CELF2: variants seen among roughly 807,000 people sequenced by gnomAD.
The protein encoded by CELF2 is CUG triplet repeat RNA-binding protein 2.
A neutral mutation model predicts 62.6 loss-of-function variants in CELF2; 8 were observed. The ratio of observed to expected loss-of-function variants is 0.13; its 90% CI spans 0.07 to 0.23. CELF2 has a LOEUF of 0.23. CELF2 is among the 10% of genes least tolerant of loss of function. The probability of loss-of-function intolerance (pLI) is 1.00; values close to 1 mark genes in which losing one functional copy is unlikely to be tolerated. For synonymous variants in CELF2, 258 were observed against 250.0 expected (o/e 1.03, Z -0.30); for missense variants, 333 against 671.0 (o/e 0.50, Z 5.56).
At chr10:11,041,584 T>A (rs1289852142) in intron 1 of CELF2, among the ~76,000 whole-genome samples, 2 of 152,236 alleles carry the variant, frequency 1.3e-5, no homozygotes, top group African/African-American at 4.8e-5. Flanking sequence ...AGACTTCGTA[T>A]TAACAATATG....
At position 11,335,860 on chromosome 10, in the gene CELF2, CA is replaced by C. The variant is rs2096110670; in HGVS notation, c.*6810del. The C allele has an allele frequency of 6.6e-6, 1 of 152,198 alleles. No individual in the cohort carries two copies. Among genetic ancestry groups the C allele is most frequent in the Non-Finnish European group, 1.5e-5 (1 of 68,026 alleles). The allele number at this position is 152,198 out of a possible 1,614,324, so 9.4% of individuals were successfully genotyped here. On this transcript the variant is annotated 3_prime_UTR_variant, in exon 13 of 13. Transcript: ENST00000633077. This position sits in a 1 kb window ranked among gnomAD's most constrained non-coding sequence, Gnocchi z 5.0. ...CATGCTAAGCAAAGGAAGAGAAAGA[CA>C]AAGCCAGTTTTTGTTGCTTTTCTAA...
At chr10:10,581,409 C>T in the CELF2 span, among the ~76,000 whole-genome samples, 4 of 152,170 alleles carry the variant, frequency 2.6e-5, no homozygotes, top group East Asian at 7.7e-4. Context: ...AGTGCTAGAA[C>T]TTGGATTGAC....
the CELF2 span, among the ~76,000 whole-genome samples, chr10:10,481,737 G>A: frequency 1.3e-5 from 2 of 152,188 alleles, no homozygotes; most frequent in Admixed American, 1.3e-4. Flanking sequence ...TCGATATTTT[G>A]TGTGATGATT....
chr10:11,027,732 G>A (rs1372434286), intron 1 of CELF2, among the ~76,000 whole-genome samples: 1 of 152,126 alleles, frequency 6.6e-6, no homozygotes, highest in Non-Finnish European at 1.5e-5. Flanking sequence ...AAGGCTAGGC[G>A]TCCTTTGCCA....
chr10:10,841,520 C>A (rs551529288), intron 1 of CELF2, among the ~76,000 whole-genome samples: 2 of 150,802 alleles, frequency 1.3e-5, no homozygotes, highest in South Asian at 4.2e-4. Context: ...AAATACCATT[C>A]TTTCCCCATT....
chr10:11,335,750 T>G lies in CELF2; in HGVS notation c.*6697T>G, dbSNP rs894536734. The G allele has an allele frequency of 6.6e-6, 1 of 152,176 alleles. No homozygotes were observed. Among genetic ancestry groups the G allele is most frequent in the Non-Finnish European group, 1.5e-5 (1 of 68,036 alleles). 9.4% of individuals were successfully genotyped at this position (152,176 alleles called of 1,614,324 possible). A position where few individuals can be genotyped will look rare whatever the true frequency, so the allele number is the denominator to read the frequency against. On this transcript the variant is annotated 3_prime_UTR_variant, in exon 13 of 13. Coordinates refer to ENST00000633077, the MANE Select transcript of CELF2 (RefSeq NM_001326342.2). The surrounding 1 kb of genome is among the most constrained non-coding windows in gnomAD (Gnocchi z 5.0). ...GATGTTGGGAGGCATGGGGGGTGATTAAATTATCATTTCCAAGGTGCAAGT... is the reference window on the plus strand; with the variant it reads ...GATGTTGGGAGGCATGGGGGGTGATGAAATTATCATTTCCAAGGTGCAAGT...
At chr10:10,853,808 C>T (rs1349036482) in intron 1 of CELF2, among the ~76,000 whole-genome samples, 1 of 151,856 alleles carries the variant, frequency 6.6e-6, no homozygotes, top group Non-Finnish European at 1.5e-5. Flanking sequence ...TGGGATCCTC[C>T]GAGAAAATCA....
chr10:10,814,320 T>A (rs570849530), intron 1 of CELF2, among the ~76,000 whole-genome samples: 2 of 150,812 alleles, frequency 1.3e-5, no homozygotes, highest in South Asian at 4.3e-4. Flanking sequence ...AGAAGATGAC[T>A]TCAGAAGAAA....
At chr10:10,709,784 G>A in the CELF2 span, among the ~76,000 whole-genome samples, 2 of 152,142 alleles carry the variant, frequency 1.3e-5, no homozygotes, top group African/African-American at 2.4e-5. Flanking sequence ...AATTATGATC[G>A]ATTTTAAAAA....
chr10:10,528,496 T>C, the CELF2 span, among the ~76,000 whole-genome samples: 2 of 152,212 alleles, frequency 1.3e-5, no homozygotes, highest in Non-Finnish European at 2.9e-5. Flanking sequence ...AAGACATTAA[T>C]ATGTTAATCT....
chr10:10,748,103 G>A, the CELF2 span, among the ~76,000 whole-genome samples: 1 of 152,148 alleles, frequency 6.6e-6, no homozygotes, highest in African/African-American at 2.4e-5. Context: ...AATAAACAGA[G>A]GCTGGTTAAT....
Position 11,321,010 on chromosome 10 carries a change from T to G in CELF2, c.1097-179T>G. 1.5e-6 allele frequency: 2 copies of G among 1,361,058 alleles called. No individual in the cohort carries two copies. Among genetic ancestry groups the G allele is most frequent in the Non-Finnish European group, 2.0e-6 (2 of 992,874 alleles). 84.3% of individuals were successfully genotyped at this position (1,361,058 alleles called of 1,614,324 possible). A position where few individuals can be genotyped will look rare whatever the true frequency, so the allele number is the denominator to read the frequency against. Reference sequence around the variant, plus strand: ...AGGGTTCTCATGGCTTAGGTCATTTTCCCCCATTATCACGATTTATTTCTT... The same window carrying G: ...AGGGTTCTCATGGCTTAGGTCATTTGCCCCCATTATCACGATTTATTTCTT... On this transcript the variant is annotated intron_variant, in intron 10 of 12. Transcript: ENST00000633077. This position sits in a 1 kb window ranked among gnomAD's most constrained non-coding sequence, Gnocchi z 6.2.
chr10:10,776,239 G>C, the CELF2 span: 1 of 153,250 alleles, frequency 6.5e-6, no homozygotes, highest in Non-Finnish European at 1.5e-5. Flanking sequence ...CCAAAGATCG[G>C]AACGCTGTGT....
chr10:10,558,485 C>G, the CELF2 span, among the ~76,000 whole-genome samples: 1 of 151,754 alleles, frequency 6.6e-6, no homozygotes, highest in Non-Finnish European at 1.5e-5. Context: ...AGGATATTGG[C>G]CTAAAATTCT....
chr10:10,742,221 G>C, the CELF2 span, among the ~76,000 whole-genome samples: 3 of 140,252 alleles, frequency 2.1e-5, no homozygotes, highest in Non-Finnish European at 3.1e-5. Context: ...TTTTGGTTTT[G>C]TTAACCATGT....
At chr10:11,204,246 T>C (rs2059912769) in intron 2 of CELF2, among the ~76,000 whole-genome samples, 1 of 152,238 alleles carries the variant, frequency 6.6e-6, no homozygotes, top group Non-Finnish European at 1.5e-5. Flanking sequence ...GGCTTGGCAC[T>C]GTGTATACAT....
At chr10:10,646,359 G>A in the CELF2 span, among the ~76,000 whole-genome samples, 6 of 152,190 alleles carry the variant, frequency 3.9e-5, no homozygotes, top group African/African-American at 1.2e-4. Context: ...CCATTTCAAC[G>A]AAAGCCACGG....
At chr10:10,852,451 G>A (rs1057038498) in intron 1 of CELF2, among the ~76,000 whole-genome samples, 22 of 152,178 alleles carry the variant, frequency 1.4e-4, no homozygotes, top group African/African-American at 5.3e-4. Flanking sequence ...GCTGGAAGGG[G>A]CATGGGAGAA....
the CELF2 span, among the ~76,000 whole-genome samples, chr10:10,712,147 C>CAAAAAAAAAAAAAAAAAAAAAAAAAAAAA: frequency 2.3e-5 from 1 of 43,422 alleles, no homozygotes; most frequent in African/African-American, 7.3e-5. Context: ...AGGATAGAGA[C>CAAAAAAAAAAAAAAAAAAAAAAAAAAAAA]AAAAAAAAAA....
Sources: allele counts gnomAD v4.1 joint callset (sites outside exome capture counted in the v4.1 genomes callset), GRCh38; gene constraint gnomAD v4.1.1; non-coding constraint Gnocchi (gnomAD v3.1); transcripts MANE v1.5; gene names NCBI Gene and HGNC (gene_info 2026-07-23, HGNC 2026-07-21).